The following PRKAR1B variants were observed in gnomAD, a reference collection of about 807,000 sequenced individuals.
The protein encoded by PRKAR1B is cAMP-dependent protein kinase type I-beta regulatory subunit.
Under a neutral mutation model 46.5 loss-of-function variants are expected in PRKAR1B, and 22 were observed. That is an observed-to-expected ratio of 0.47 (90% confidence interval 0.34 to 0.68). PRKAR1B has a LOEUF of 0.68. PRKAR1B is among the 30% of genes least tolerant of loss of function. The pLI, the probability that PRKAR1B is intolerant of heterozygous loss-of-function variation, is 0.01. For missense variants in PRKAR1B, 445 were observed against 535.6 expected (o/e 0.83, Z 1.67); for synonymous variants, 259 against 217.7 (o/e 1.19, Z -1.67).
chr7:691,906 G>T (rs904610525), intron 2 of PRKAR1B: 25 of 1,082,012 alleles, frequency 2.3e-5, no homozygotes, highest in Non-Finnish European at 2.9e-5. Flanking sequence ...CGCCTCCCTG[G>T]AGCTGCGAGT....
At chr7:581,684 CAGA>C (rs1780195197) in intron 8 of PRKAR1B, among the ~76,000 whole-genome samples, 1 of 152,052 alleles carries the variant, frequency 6.6e-6, no homozygotes, top group Non-Finnish European at 1.5e-5. Context: ...TGAAAACTGA[CAGA>C]AGAAACCACA....
intron 2 of PRKAR1B, among the ~76,000 whole-genome samples, chr7:685,297 T>TAC (rs1426462782): frequency 2.2e-4 from 2 of 9,062 alleles, no homozygotes; most frequent in East Asian, 3.4e-3. Context: ...TATGTATACA[T>TAC]ATATATATAC....
intron 1 of PRKAR1B, chr7:712,387 C>T (rs1210311669): frequency 6.7e-6 from 1 of 149,418 alleles, no homozygotes. Context: ...GGGCTCCCGG[C>T]GCAGACCCCA....
At chr7:669,867 A>ATTTTTTTTTTTTTTTTTTT (rs570284003) in intron 4 of PRKAR1B, among the ~76,000 whole-genome samples, 1 of 131,446 alleles carries the variant, frequency 7.6e-6, no homozygotes, top group Non-Finnish European at 1.6e-5. Flanking sequence ...CACGTGCCAT[A>ATTTTTTTTTTTTTTTTTTT]TTTTTTTTTT....
intron 7 of PRKAR1B, among the ~76,000 whole-genome samples, chr7:587,084 A>C (rs1442755246): frequency 6.6e-6 from 1 of 152,050 alleles, no homozygotes; most frequent in Non-Finnish European, 1.5e-5. Context: ...ACGGGGTTTC[A>C]CTGTGTTAAC....
chr7:568,810 A>C (rs1779323961), intron 9 of PRKAR1B, among the ~76,000 whole-genome samples: 1 of 152,194 alleles, frequency 6.6e-6, no homozygotes, highest in African/African-American at 2.4e-5. Flanking sequence ...TGGTCAGGGT[A>C]ATCCGGGACC....
chr7:635,964 T>A (rs75016214), intron 4 of PRKAR1B, among the ~76,000 whole-genome samples: 15,142 of 70,036 alleles, frequency 0.22, 1,741 homozygotes, highest in Middle Eastern at 0.31. Flanking sequence ...GGCCGCGCCC[T>A]CACGTCCTCC....
intron 7 of PRKAR1B, among the ~76,000 whole-genome samples, chr7:585,955 T>C (rs1383379183): frequency 6.6e-6 from 1 of 152,108 alleles, no homozygotes; most frequent in Non-Finnish European, 1.5e-5. Context: ...ACCAGGTGCC[T>C]CCCACCTGTG....
Position 584,530 on chromosome 7 carries a change from G to A in PRKAR1B, c.747C>T (p.Phe249=). Residue 249 remains phenylalanine, a synonymous_variant, in exon 8 of 11, where the codon TTC becomes TTT. Transcript: ENST00000537384. ...GACCTAGGATGGAGACCTTGCTGAG[G>A]AACTCCTCGTACATCTTGCGTTTCC... ...TLRKRKMYEE[F]LSKVSILESL... is the part of the protein sequence containing the mutation. 2 of 1,613,932 alleles carry A rather than the reference G, an allele frequency of 1.2e-6. No individual in the cohort carries two copies. Among genetic ancestry groups the A allele is most frequent in the Non-Finnish European group, 8.5e-7 (1 of 1,179,990 alleles).
chr7:573,763 G>A (rs978453821), intron 9 of PRKAR1B, among the ~76,000 whole-genome samples: 7 of 152,218 alleles, frequency 4.6e-5, no homozygotes, highest in African/African-American at 1.4e-4. Flanking sequence ...AGTTGTGCTC[G>A]CAAGACTGGG....
In PRKAR1B at chr7:602,134, G is replaced by A. The variant is rs976014342; in HGVS notation, c.549+4059C>T. On this transcript the variant is annotated intron_variant, in intron 6 of 10. Coordinates refer to ENST00000537384, the MANE Select transcript of PRKAR1B (RefSeq NM_001164760.2). The surrounding 1 kb of genome is among the most constrained non-coding windows in gnomAD (Gnocchi z 6.4). Reference sequence around the variant, plus strand: ...TCCCCTCCACTCAGGCTTCAGCCCCGACCCCACGCTAACTGGGCCAGGGCA... The same window carrying A: ...TCCCCTCCACTCAGGCTTCAGCCCCAACCCCACGCTAACTGGGCCAGGGCA... Among the ~76,000 whole-genome samples, 4 of 152,088 alleles carry A rather than the reference G, an allele frequency of 2.6e-5. No individual in the cohort carries two copies. Among genetic ancestry groups the A allele is most frequent in the South Asian group, 4.1e-4 (2 of 4,824 alleles).
intron 9 of PRKAR1B, among the ~76,000 whole-genome samples, chr7:567,781 A>T (rs776800977): frequency 6.3e-4 from 96 of 152,314 alleles, no homozygotes; most frequent in Non-Finnish European, 1.2e-3. Context: ...TCACAGAGGG[A>T]CAAATCCTGT....
chr7:585,708 G>A (rs1439136384), intron 7 of PRKAR1B, among the ~76,000 whole-genome samples: 6 of 152,060 alleles, frequency 3.9e-5, no homozygotes, highest in Admixed American at 6.5e-5. Context: ...AACCCTGAGA[G>A]GGGAACATAC....
intron 2 of PRKAR1B, among the ~76,000 whole-genome samples, chr7:698,070 A>AG (rs1321398797): frequency 2.8e-5 from 1 of 36,020 alleles, no homozygotes; most frequent in African/African-American, 1.3e-4. Flanking sequence ...AGGGGAGGGG[A>AG]GGGAAGGGAG....
intron 4 of PRKAR1B, among the ~76,000 whole-genome samples, chr7:653,756 CACA>C (rs1785033795): frequency 6.6e-6 from 1 of 152,138 alleles, no homozygotes; most frequent in Non-Finnish European, 1.5e-5. Context: ...TCTAGGAAAG[CACA>C]ACAAGAGGCC....
intron 8 of PRKAR1B, among the ~76,000 whole-genome samples, chr7:582,883 G>A (rs1016456707): frequency 7.9e-5 from 12 of 152,216 alleles, no homozygotes; most frequent in Non-Finnish European, 1.2e-4. Context: ...TCCCCCTCTC[G>A]GCCCCTATAA....
chr7:701,338 A>G (rs1780059765), intron 2 of PRKAR1B, among the ~76,000 whole-genome samples: 1 of 148,850 alleles, frequency 6.7e-6, no homozygotes, highest in African/African-American at 2.4e-5. Flanking sequence ...AAGAAAAGAA[A>G]AGAAAAAGAA....
chr7:652,713 G>A (rs965395472), intron 4 of PRKAR1B, among the ~76,000 whole-genome samples: 2 of 152,258 alleles, frequency 1.3e-5, no homozygotes, highest in South Asian at 2.1e-4. Context: ...GTCCAGGGTC[G>A]CTGGAAGGGA....
At chr7:596,918 T>TGGGC (rs1781298437) in intron 6 of PRKAR1B, among the ~76,000 whole-genome samples, 1 of 152,266 alleles carries the variant, frequency 6.6e-6, no homozygotes, top group Non-Finnish European at 1.5e-5. Flanking sequence ...GGAGTCTGAA[T>TGGGC]GGGCGCCCTA....
Sources: gnomAD v4.1 joint callset for allele counts (sites outside exome capture counted in the v4.1 genomes callset) on GRCh38, gnomAD v4.1.1 for gene constraint, Gnocchi (gnomAD v3.1) non-coding constraint, MANE v1.5 for transcripts, NCBI Gene and HGNC (gene_info 2026-07-23, HGNC 2026-07-21) for gene names.